The following DOC2A variants were observed in gnomAD, a reference collection of about 807,000 sequenced individuals.
The protein encoded by DOC2A is double C2 domain alpha.
A neutral mutation model predicts 40.6 loss-of-function variants in DOC2A; 28 were observed. The observed-to-expected ratio is 0.69, with a 90% confidence interval of 0.51 to 0.95. The LOEUF is 0.95. DOC2A is among the 40% of genes least tolerant of loss of function. The probability of loss-of-function intolerance (pLI) is 0.00; values close to 1 mark genes in which losing one functional copy is unlikely to be tolerated. For synonymous variants in DOC2A, 241 were observed against 236.9 expected (o/e 1.02, Z -0.16); for missense variants, 474 against 552.5 (o/e 0.86, Z 1.42).
At position 30,006,717 on chromosome 16, in the gene DOC2A, GACAGGC is replaced by G. The variant is rs781702132; in HGVS notation, c.879-46_879-41del. 6.2e-7 allele frequency: 1 copy of G among 1,613,802 alleles called. No individual in the cohort carries two copies. The highest frequency in any genetic ancestry group is 8.5e-7 in the Non-Finnish European group (1 of 1,179,912). On this transcript the variant is annotated intron_variant, in intron 8 of 10. Transcript: ENST00000350119. The surrounding 1 kb of genome is among the most constrained non-coding windows in gnomAD (Gnocchi z 6.2). ...GAGGGAGACGAACTGAGGGGTGAGG[GACAGGC>G]CAGGCCCAACTCAGGCCAGGGCAGG...
Position 30,010,873 on chromosome 16 carries a change from C to T in DOC2A, c.-14+30G>A, listed in dbSNP as rs543493613. 9 of 1,004,172 alleles carry T rather than the reference C, an allele frequency of 9.0e-6. No homozygotes were observed. In the African/African-American group the frequency reaches 1.0e-4, roughly 12 times the overall value. The allele number at this position is 1,004,172 out of a possible 1,614,324, so 62.2% of individuals were successfully genotyped here. On this transcript the variant is annotated intron_variant, in intron 1 of 10. Transcript: ENST00000350119. The surrounding 1 kb of genome is among the most constrained non-coding windows in gnomAD (Gnocchi z 4.2). ...TGGCACGCTTCCCCGCACCCTCACGCCCCCGGCCTGCCCAGCCCCCTGCAC... is the reference window on the plus strand; with the variant it reads ...TGGCACGCTTCCCCGCACCCTCACGTCCCCGGCCTGCCCAGCCCCCTGCAC...
rs900604681 is a variant in DOC2A, at chr16:30,010,685, G to C, written c.-14+218C>G. 3.3e-5 allele frequency among the ~76,000 whole-genome samples: 5 copies of C among 152,012 alleles called. No homozygotes were observed. Among genetic ancestry groups the C allele is most frequent in the Admixed American group, 2.0e-4 (3 of 15,266 alleles). On this transcript the variant is annotated intron_variant, in intron 1 of 10. Transcript: ENST00000350119. This position sits in a 1 kb window ranked among gnomAD's most constrained non-coding sequence, Gnocchi z 4.2. ...CCCCTCTAGGCTCCAACTGCCCACT[G>C]TCCCCTCATTCAGCCCCAGGACCTG...
chr16:30,016,055 A>ATATATATATATAT (rs1163519904), upstream of DOC2A, among the ~76,000 whole-genome samples: 4 of 16,896 alleles, frequency 2.4e-4, no homozygotes, highest in Non-Finnish European at 2.8e-4. Context: ...ATATATATAT[A>ATATATATATATAT]TTTTTTTTTT....
At chr16:30,017,652 GAA>G (rs1050054614) in intron 1 of DOC2A, among the ~76,000 whole-genome samples, 4 of 152,044 alleles carry the variant, frequency 2.6e-5, no homozygotes, top group Admixed American at 2.6e-4. Context: ...GGGAGGGAGG[GAA>G]AGAGTCGAAA....
Position 30,010,234 on chromosome 16 carries a change from G to T in DOC2A, c.-12C>A. ...CTGCGGCCCCTCATGCAGCACCCCT[G>T]GCTAGGAGAGGGCGTGTGAGCCAGT... On this transcript the variant is annotated splice_region_variant and 5_prime_UTR_variant, in exon 2 of 11. Coordinates refer to ENST00000350119, the MANE Select transcript of DOC2A (RefSeq NM_003586.3). The surrounding 1 kb of genome is among the most constrained non-coding windows in gnomAD (Gnocchi z 4.2). The T allele has an allele frequency of 6.2e-7, 1 of 1,613,270 alleles. No homozygotes were observed.
Position 30,010,676 on chromosome 16 carries a change from C to T in DOC2A, c.-14+227G>A, listed in dbSNP as rs1229140314. On this transcript the variant is annotated intron_variant, in intron 1 of 10. Coordinates refer to ENST00000350119, the MANE Select transcript of DOC2A (RefSeq NM_003586.3). The surrounding 1 kb of genome is among the most constrained non-coding windows in gnomAD (Gnocchi z 4.2). ...TGTCACCCACCCCTCTAGGCTCCAA[C>T]TGCCCACTGTCCCCTCATTCAGCCC... 3.3e-5 allele frequency among the ~76,000 whole-genome samples: 5 copies of T among 152,292 alleles called. No homozygotes were observed. The East Asian group carries it at 9.7e-4, about 29-fold the overall frequency.
In DOC2A at chr16:30,007,109, G is replaced by A; in HGVS notation, c.655-19C>T. Reference sequence around the variant, plus strand: ...ACGCCAGCTGAGGGGGCAAAGAGAAGGTTCTGGAAGCCTGGCCTCCCCAGG... The same window carrying A: ...ACGCCAGCTGAGGGGGCAAAGAGAAAGTTCTGGAAGCCTGGCCTCCCCAGG... On this transcript the variant is annotated intron_variant, in intron 6 of 10. Transcript: ENST00000350119. 1 of 1,613,912 alleles carries A rather than the reference G, an allele frequency of 6.2e-7. No homozygotes were observed. Among genetic ancestry groups the A allele is most frequent in the Non-Finnish European group, 8.5e-7 (1 of 1,179,946 alleles).
upstream of DOC2A, among the ~76,000 whole-genome samples, chr16:30,016,250 T>C (rs921250861): frequency 2.0e-5 from 3 of 151,060 alleles, no homozygotes; most frequent in Non-Finnish European, 4.4e-5. Flanking sequence ...GGTTTCACCA[T>C]GTTGGCCAGG....
chr16:30,019,469 T>C (rs1452778744), intron 1 of DOC2A, among the ~76,000 whole-genome samples: 1 of 152,176 alleles, frequency 6.6e-6, no homozygotes, highest in Non-Finnish European at 1.5e-5. Context: ...GCCGTGGTGA[T>C]TTCTGAGTCA....
rs1173113267 is a variant in DOC2A, at chr16:30,006,125, C to T, written c.*61G>A. On this transcript the variant is annotated 3_prime_UTR_variant, in exon 11 of 11. Transcript: ENST00000350119. This position sits in a 1 kb window ranked among gnomAD's most constrained non-coding sequence, Gnocchi z 6.2. ...ACCCTGTGTAAACGTGCAACACACTCGTGCGAAGGTTGGGTACTGGACCCG... is the reference window on the plus strand; with the variant it reads ...ACCCTGTGTAAACGTGCAACACACTTGTGCGAAGGTTGGGTACTGGACCCG... 9.9e-6 allele frequency: 15 copies of T among 1,521,222 alleles called. No individual in the cohort carries two copies. In the East Asian group the frequency reaches 1.7e-4, roughly 17 times the overall value. The allele number at this position is 1,521,222 out of a possible 1,614,324, so 94.2% of individuals were successfully genotyped here. A position where few individuals can be genotyped will look rare whatever the true frequency, so the allele number is the denominator to read the frequency against.
At chr16:30,016,020 AAT>A (rs1161591964), upstream of DOC2A, among the ~76,000 whole-genome samples, 350 of 61,156 alleles carry the variant, frequency 5.7e-3, 9 homozygotes, top group African/African-American at 0.014. Context: ...CCAGCACAAT[AAT>A]ATATATATAT....
rs1366756681 is a variant in DOC2A, at chr16:30,006,202, G to A, written c.1187C>T (p.Ala396Val). 6.3e-7 allele frequency: 1 copy of A among 1,584,586 alleles called. No individual in the cohort carries two copies. The highest frequency in any genetic ancestry group is 1.1e-5 in the South Asian group (1 of 87,636). The change falls in exon 11 of 11, where the codon GCT becomes GTT. Residue 396 changes from alanine (A) to valine (V), a missense_variant. Ala to Val is a moderately conservative substitution (Grantham distance 64, BLOSUM62 0). Coordinates refer to ENST00000350119, the MANE Select transcript of DOC2A (RefSeq NM_003586.3). The surrounding 1 kb of genome is among the most constrained non-coding windows in gnomAD (Gnocchi z 6.2). ...GCTGTCCACTCAGGCTGAGGACAGAGCCCCGGCCGCAGGGGGCAGCTCACT... is the reference window on the plus strand; with the variant it reads ...GCTGTCCACTCAGGCTGAGGACAGAACCCCGGCCGCAGGGGGCAGCTCACT... ...LTSELPPAAG[A>V]LSSA
chr16:30,019,499 G>A (rs994979893), intron 1 of DOC2A, among the ~76,000 whole-genome samples: 1 of 152,234 alleles, frequency 6.6e-6, no homozygotes, highest in African/African-American at 2.4e-5. Context: ...TCCAGCCAGT[G>A]CGTAGCAGGA....
upstream of DOC2A, among the ~76,000 whole-genome samples, chr16:30,016,044 TATATATATA>T (rs1458260564): frequency 3.1e-4 from 8 of 25,820 alleles, no homozygotes; most frequent in Non-Finnish European, 6.1e-4. Flanking sequence ...TATATATATA[TATATATATA>T]TATTTTTTTT....
chr16:30,018,295 G>A (rs1416740140), intron 1 of DOC2A, among the ~76,000 whole-genome samples: 3 of 141,246 alleles, frequency 2.1e-5, no homozygotes, highest in East Asian at 2.1e-4. Context: ...AAAAAAAAAA[G>A]AAAGAAAGAA....
At chr16:30,011,193 C>T (rs983604753), upstream of DOC2A, 4 of 674,610 alleles carry the variant, frequency 5.9e-6, no homozygotes, top group East Asian at 2.7e-4. Context: ...CGCGCGCGCA[C>T]ACTCACGCAG....
intron 1 of DOC2A, among the ~76,000 whole-genome samples, chr16:30,019,903 C>CT (rs1188533570): frequency 1.5e-4 from 21 of 144,758 alleles, no homozygotes; most frequent in Non-Finnish European, 1.8e-4. Context: ...CCTAGTTAAT[C>CT]TTTTTTTTTT....
upstream of DOC2A, among the ~76,000 whole-genome samples, chr16:30,022,623 C>A (rs2070929004): frequency 6.6e-6 from 1 of 152,042 alleles, no homozygotes; most frequent in Non-Finnish European, 1.5e-5. Flanking sequence ...GTAATCATAC[C>A]ACTGTACTCC....
chr16:30,015,439 C>T (rs951517772), upstream of DOC2A, among the ~76,000 whole-genome samples: 1 of 152,154 alleles, frequency 6.6e-6, no homozygotes, highest in African/African-American at 2.4e-5. Flanking sequence ...CGTCACACTC[C>T]TGAGTAGCTG....
Sources: allele counts gnomAD v4.1 joint callset (sites outside exome capture counted in the v4.1 genomes callset), GRCh38; gene constraint gnomAD v4.1.1; non-coding constraint Gnocchi (gnomAD v3.1); transcripts MANE v1.5; gene names NCBI Gene and HGNC (gene_info 2026-07-23, HGNC 2026-07-21).